Variants in NEDD4L observed in about 807,000 individuals in gnomAD.
NEDD4L encodes the protein NEDD4 like E3 ubiquitin protein ligase, also known as E3 ubiquitin-protein ligase NEDD4-like.
A neutral mutation model predicts 148.9 loss-of-function variants in NEDD4L; 54 were observed. The ratio of observed to expected loss-of-function variants is 0.36; its 90% CI spans 0.29 to 0.45. The LOEUF is 0.45. Among genes scored for constraint, NEDD4L ranks in the 20% least tolerant of loss-of-function variants. NEDD4L has a pLI of 1.00. For missense variants in NEDD4L, 856 were observed against 1,233.8 expected, an observed-to-expected ratio of 0.69 and a Z score of 4.59; for synonymous variants, 433 against 440.7, an observed-to-expected ratio of 0.98 and a Z score of 0.22.
At chr18:58,080,181 C>T (rs2083361162) in intron 1 of NEDD4L, among the ~76,000 whole-genome samples, 1 of 152,172 alleles carries the variant, frequency 6.6e-6, no homozygotes, top group Non-Finnish European at 1.5e-5. Context: ...ACCACAGCCT[C>T]CCAGAGTGCT....
intron 2 of NEDD4L, among the ~76,000 whole-genome samples, chr18:58,217,749 G>A (rs1336407048): frequency 6.6e-6 from 1 of 151,934 alleles, no homozygotes; most frequent in Non-Finnish European, 1.5e-5. Context: ...ATAGCCACAG[G>A]GATATAAATT....
intron 1 of NEDD4L, among the ~76,000 whole-genome samples, chr18:58,142,397 C>G (rs760273310): frequency 5.9e-5 from 9 of 152,116 alleles, no homozygotes; most frequent in Non-Finnish European, 1.2e-4. Flanking sequence ...AGTTCTGATC[C>G]TGATTTATAA....
At chr18:58,234,164 TTCTC>T (rs759281941) in intron 2 of NEDD4L, among the ~76,000 whole-genome samples, 46 of 150,572 alleles carry the variant, frequency 3.1e-4, no homozygotes, top group South Asian at 6.3e-4. Context: ...TTTCTTCTTT[TTCTC>T]TCTCTTTCTT....
chr18:58,375,268 CG>C (rs1407380383), intron 24 of NEDD4L, among the ~76,000 whole-genome samples: 1 of 152,182 alleles, frequency 6.6e-6, no homozygotes, highest in African/African-American at 2.4e-5. Context: ...AGCCTCCTGT[CG>C]GCCGCCCCCT....
intron 6 of NEDD4L, among the ~76,000 whole-genome samples, chr18:58,316,342 C>T (rs1241007683): frequency 6.6e-6 from 1 of 152,242 alleles, no homozygotes; most frequent in African/African-American, 2.4e-5. Flanking sequence ...ACCTCCTTCA[C>T]TCAGGCCTCC....
At chr18:58,067,723 A>C (rs898258095) in intron 1 of NEDD4L, among the ~76,000 whole-genome samples, 16 of 152,124 alleles carry the variant, frequency 1.1e-4, no homozygotes, top group Non-Finnish European at 7.3e-5. Flanking sequence ...GGAACACTTG[A>C]GGAGTGGGAG....
intron 4 of NEDD4L, among the ~76,000 whole-genome samples, chr18:58,250,516 G>T (rs572495735): frequency 6.6e-6 from 1 of 152,134 alleles, no homozygotes; most frequent in Non-Finnish European, 1.5e-5. Context: ...TGGTTGCATT[G>T]GTAAGCAGTG....
chr18:58,292,192 G>A (rs1034972515), intron 5 of NEDD4L, among the ~76,000 whole-genome samples: 4 of 150,872 alleles, frequency 2.7e-5, no homozygotes, highest in South Asian at 4.2e-4. Context: ...AGATTAAACC[G>A]CAAGTTCCCA....
chr18:58,282,170 C>T (rs372481001), intron 5 of NEDD4L, among the ~76,000 whole-genome samples: 56 of 120,690 alleles, frequency 4.6e-4, no homozygotes, highest in African/African-American at 1.8e-3. Context: ...AAAATATCCG[C>T]GTGAGTGGTG....
chr18:58,086,455 T>C (rs2083763877), intron 1 of NEDD4L, among the ~76,000 whole-genome samples: 1 of 152,128 alleles, frequency 6.6e-6, no homozygotes, highest in Non-Finnish European at 1.5e-5. Flanking sequence ...TTTTATGATG[T>C]ACATTCTCAT....
rs368435758 is a variant in NEDD4L, at chr18:58,341,731, C to G, written c.1311C>G (p.Ile437Met). Residue 437 changes from isoleucine to methionine, a missense_variant, in exon 15 of 31, where the codon ATC becomes ATG. Physicochemically the swap from Ile to Met is conservative, Grantham distance 10. Coordinates refer to ENST00000400345, the MANE Select transcript of NEDD4L (RefSeq NM_001144967.3). The stretch of plus-strand genomic sequence containing the variant: ...CCACAAACAGTAACAACCATCTAAT[C>G]GAGCCTCAGATCCGCCGGCCTCGTA... The part of the protein sequence containing the change: ...GSATNSNNHL[I>M]EPQIRRPRSL... 1.2e-6 allele frequency: 2 copies of G among 1,613,838 alleles called. No individual in the cohort carries two copies. The highest frequency in any genetic ancestry group is 1.1e-5 in the South Asian group (1 of 91,000).
intron 1 of NEDD4L, among the ~76,000 whole-genome samples, chr18:58,141,910 A>G (rs1158091890): frequency 1.3e-5 from 2 of 152,152 alleles, no homozygotes; most frequent in African/African-American, 4.8e-5. Context: ...AGCTGTGAAA[A>G]CAACGCTGTT....
chr18:58,324,248 T>A (rs61016660), intron 8 of NEDD4L, among the ~76,000 whole-genome samples: 133 of 152,358 alleles, frequency 8.7e-4, no homozygotes, highest in African/African-American at 3.1e-3. Flanking sequence ...CAGTAACCAG[T>A]GAATTACTTA....
chr18:58,068,015 AGCTGT>A, intron 1 of NEDD4L, among the ~76,000 whole-genome samples: 1 of 152,246 alleles, frequency 6.6e-6, no homozygotes, highest in Non-Finnish European at 1.5e-5. Flanking sequence ...GCTGGAGTGC[AGCTGT>A]GTGATCATAG....
intron 2 of NEDD4L, among the ~76,000 whole-genome samples, chr18:58,177,689 C>T (rs1017094102): frequency 7.9e-5 from 12 of 152,216 alleles, no homozygotes; most frequent in Admixed American, 2.0e-4. Flanking sequence ...CTTTTAAAAA[C>T]GCACAATCTT....
At chr18:58,290,294 A>G (rs1174783823) in intron 5 of NEDD4L, among the ~76,000 whole-genome samples, 1 of 152,260 alleles carries the variant, frequency 6.6e-6, no homozygotes, top group Non-Finnish European at 1.5e-5. Flanking sequence ...TAATCTTATT[A>G]AAGTGCAACA....
chr18:58,386,778 C>T (rs1286009271), intron 26 of NEDD4L, among the ~76,000 whole-genome samples: 6 of 152,112 alleles, frequency 3.9e-5, no homozygotes, highest in Admixed American at 6.5e-5. Context: ...CGTGAAAGCC[C>T]GGGCAGCACA....
intron 1 of NEDD4L, among the ~76,000 whole-genome samples, chr18:58,088,453 C>A (rs1222568048): frequency 1.3e-5 from 2 of 152,148 alleles, no homozygotes; most frequent in East Asian, 3.8e-4. Context: ...ACAAGTAGTC[C>A]ATCCAGTGTC....
intron 2 of NEDD4L, among the ~76,000 whole-genome samples, chr18:58,180,271 C>T (rs1733686727): frequency 6.6e-6 from 1 of 152,208 alleles, no homozygotes; most frequent in Admixed American, 6.5e-5. Context: ...GTGCCTTGCT[C>T]TCTCCTTTCT....
Sources: gnomAD v4.1 joint callset for allele counts (sites outside exome capture counted in the v4.1 genomes callset) on GRCh38, gnomAD v4.1.1 for gene constraint, MANE v1.5 for transcripts, NCBI Gene and HGNC (gene_info 2026-07-23, HGNC 2026-07-21) for gene names.